Variants in CCDC7 observed in about 807,000 individuals in gnomAD.
The protein encoded by CCDC7 is coiled-coil domain-containing protein 7.
CCDC7 carries 183 observed loss-of-function variants against 196.9 expected under a neutral mutation model. That is an observed-to-expected ratio of 0.93 (90% confidence interval 0.82 to 1.05). The LOEUF (loss-of-function observed/expected upper bound fraction) is 1.05, where lower values mean the gene tolerates loss of function less well. Ranked by LOEUF, CCDC7 falls within the 50% of genes least tolerant of loss-of-function variation. The pLI is 0.00. For missense variants in CCDC7, 1,540 were observed against 1,482.2 expected, an observed-to-expected ratio of 1.04 and a Z score of -0.64; for synonymous variants, 525 against 484.6, an observed-to-expected ratio of 1.08 and a Z score of -1.10.
intron 21 of CCDC7, among the ~76,000 whole-genome samples, chr10:32,685,160 T>A (rs898436111): frequency 4.0e-5 from 6 of 151,744 alleles, no homozygotes; most frequent in Non-Finnish European, 7.4e-5. Flanking sequence ...TTCTTTTTTT[T>A]AATCCTTCTT....
chr10:32,777,316 A>G (rs1293414892), intron 28 of CCDC7, among the ~76,000 whole-genome samples: 2 of 152,162 alleles, frequency 1.3e-5, no homozygotes, highest in African/African-American at 2.4e-5. Flanking sequence ...TGTCTTTGCT[A>G]TTATGAATGG....
intron 25 of CCDC7, among the ~76,000 whole-genome samples, chr10:32,726,243 T>A (rs1592089960): frequency 6.6e-6 from 1 of 152,028 alleles, no homozygotes; most frequent in Non-Finnish European, 1.5e-5. Context: ...AAACCTTTAT[T>A]ATTTTTACAT....
intron 20 of CCDC7, among the ~76,000 whole-genome samples, chr10:32,661,356 A>G (rs2071396919): frequency 6.6e-6 from 1 of 151,402 alleles, no homozygotes; most frequent in Non-Finnish European, 1.5e-5. Flanking sequence ...AAATAGGAAC[A>G]CTTTTACACT....
At chr10:32,525,793 G>A (rs2048581865) in intron 11 of CCDC7, among the ~76,000 whole-genome samples, 1 of 152,188 alleles carries the variant, frequency 6.6e-6, no homozygotes, top group East Asian at 1.9e-4. Flanking sequence ...TCTTGGATAA[G>A]ATCCAGAAGG....
At position 32,708,591 on chromosome 10, in the gene CCDC7, C is replaced by T. The variant is rs118133097; in HGVS notation, c.2459-3029C>T. 4.9e-3 allele frequency among the ~76,000 whole-genome samples: 750 copies of T among 152,258 alleles called. 6 individuals carry two copies. The highest frequency in any genetic ancestry group is 4.9e-3 in the Non-Finnish European group (330 of 68,014). ...TACCCATGTGACAAAGGGCTAATGT[C>T]CAGAATCTATAAGAACTTAAACAAA... is the stretch of plus-strand genomic sequence containing the variant. On this transcript the variant is annotated intron_variant, in intron 24 of 41. Transcript: ENST00000639629.
chr10:32,722,462 G>T (rs1030619375), intron 25 of CCDC7, among the ~76,000 whole-genome samples: 2 of 152,072 alleles, frequency 1.3e-5, no homozygotes, highest in African/African-American at 4.8e-5. Context: ...CTGGGATCAA[G>T]GTGTTGACAT....
intron 33 of CCDC7, among the ~76,000 whole-genome samples, chr10:32,838,805 T>A (rs2092789270): frequency 6.6e-6 from 1 of 151,920 alleles, no homozygotes; most frequent in Non-Finnish European, 1.5e-5. Context: ...GCCCTACATG[T>A]TAGAAGGAAT....
At chr10:32,555,695 T>A (rs1166089201) in intron 13 of CCDC7, among the ~76,000 whole-genome samples, 1 of 152,208 alleles carries the variant, frequency 6.6e-6, no homozygotes, top group Non-Finnish European at 1.5e-5. Context: ...TCAATTTTTG[T>A]AAGTGTTCTA....
intron 19 of CCDC7, among the ~76,000 whole-genome samples, chr10:32,634,621 T>C (rs559691972): frequency 2.0e-5 from 3 of 152,144 alleles, no homozygotes; most frequent in Non-Finnish European, 4.4e-5. Flanking sequence ...GGTCTCGAAC[T>C]CCTGACCTCG....
At chr10:32,518,237 C>T (rs144427060) in intron 10 of CCDC7, among the ~76,000 whole-genome samples, 179 bp from the exon 12 acceptor site, 30 of 152,198 alleles carry the variant, frequency 2.0e-4, no homozygotes, top group African/African-American at 4.3e-4. Context: ...GTCCTTGACA[C>T]GTGTAGATCT....
At chr10:32,871,293 A>G (rs561233351) in intron 41 of CCDC7, among the ~76,000 whole-genome samples, 24 of 152,258 alleles carry the variant, frequency 1.6e-4, no homozygotes, top group Middle Eastern at 6.8e-3. Flanking sequence ...TTATTGGTCT[A>G]TTCAGAGATT....
intron 4 of CCDC7, 112 bp downstream of exon 5, chr10:32,462,815 G>A: frequency 7.9e-7 from 1 of 1,264,602 alleles, no homozygotes; most frequent in South Asian, 1.6e-5. Context: ...CATACTTGCT[G>A]CTCTATATAT....
intron 41 of CCDC7, among the ~76,000 whole-genome samples, chr10:32,868,813 G>A (rs760663800): frequency 4.7e-5 from 7 of 147,400 alleles, no homozygotes; most frequent in African/African-American, 1.3e-4. Flanking sequence ...GTGAGAACAT[G>A]TGGTGTTTGG....
chr10:32,611,297 G>A (rs1007735951), intron 18 of CCDC7, among the ~76,000 whole-genome samples: 1 of 152,090 alleles, frequency 6.6e-6, no homozygotes, highest in Non-Finnish European at 1.5e-5. Context: ...ATTTGTTTAA[G>A]TTCCTTGTAG....
chr10:32,769,305 G>A (rs2078796974), intron 28 of CCDC7, among the ~76,000 whole-genome samples: 2 of 151,946 alleles, frequency 1.3e-5, no homozygotes, highest in South Asian at 4.1e-4. Context: ...AGTTATTCAT[G>A]TACTCTGATA....
chr10:32,550,506 C>CA (rs2053291072), intron 13 of CCDC7, among the ~76,000 whole-genome samples: 1 of 152,050 alleles, frequency 6.6e-6, no homozygotes, highest in African/African-American at 2.4e-5. Flanking sequence ...GGAATGCTTT[C>CA]ACCTTTTCTC....
At chr10:32,478,498 T>C (rs2039406812) in intron 8 of CCDC7, among the ~76,000 whole-genome samples, 1 of 152,190 alleles carries the variant, frequency 6.6e-6, no homozygotes, top group Admixed American at 6.5e-5. Flanking sequence ...ATTTATAATT[T>C]ACAAAGAGTT....
At chr10:32,745,176 T>C (rs1933854823) in intron 28 of CCDC7, among the ~76,000 whole-genome samples, 1 of 152,178 alleles carries the variant, frequency 6.6e-6, no homozygotes, top group South Asian at 2.1e-4. Context: ...CATTGATCTA[T>C]TTGTCTATTC....
intron 41 of CCDC7, among the ~76,000 whole-genome samples, chr10:32,869,792 GC>G (rs2094355954): frequency 4.9e-5 from 4 of 81,166 alleles, no homozygotes; most frequent in Non-Finnish European, 1.3e-4. Flanking sequence ...TAGCTAGCCA[GC>G]ACCATTTATT....
Sources: allele counts gnomAD v4.1 joint callset (sites outside exome capture counted in the v4.1 genomes callset), GRCh38; gene constraint gnomAD v4.1.1; transcripts MANE v1.5; gene names NCBI Gene and HGNC (gene_info 2026-07-23, HGNC 2026-07-21).